Variants in FGFR2 observed in about 807,000 individuals in gnomAD.
The protein encoded by FGFR2 is fibroblast growth factor receptor 2.
In FGFR2, 19 loss-of-function variants were observed where a neutral mutation model predicts 95.9. That is an observed-to-expected ratio of 0.20 (90% confidence interval 0.14 to 0.29). FGFR2 has a LOEUF of 0.29. Among genes scored for constraint, FGFR2 ranks in the 10% least tolerant of loss-of-function variants. FGFR2 has a pLI of 1.00. For missense variants in FGFR2, 707 were observed against 1,056.9 expected (o/e 0.67, Z 4.59); for synonymous variants, 392 against 393.3 (o/e 1.00, Z 0.04).
At chr10:121,564,792 C>CCA (rs1857438632) in intron 3 of FGFR2, among the ~76,000 whole-genome samples, 1 of 152,140 alleles carries the variant, frequency 6.6e-6, no homozygotes, top group African/African-American at 2.4e-5. Context: ...ATGTTTTCTG[C>CCA]TTTCACGCTA....
At chr10:121,514,775 G>C (rs1427245304) in intron 9 of FGFR2, among the ~76,000 whole-genome samples, 2 of 152,192 alleles carry the variant, frequency 1.3e-5, no homozygotes, top group African/African-American at 4.8e-5. Context: ...CACAGGACAC[G>C]AATGTGGCTA....
chr10:121,501,365 A>C (rs889487551), intron 10 of FGFR2, among the ~76,000 whole-genome samples: 1 of 152,210 alleles, frequency 6.6e-6, no homozygotes, highest in Non-Finnish European at 1.5e-5. Context: ...TTATTCAAAT[A>C]CCAATGGATT....
intron 16 of FGFR2, among the ~76,000 whole-genome samples, chr10:121,484,479 G>A (rs1273419188): frequency 1.3e-5 from 2 of 152,126 alleles, no homozygotes; most frequent in South Asian, 2.1e-4. Context: ...TATATAATAT[G>A]CTATAAAATG....
At position 121,563,374 on chromosome 10, in the gene FGFR2, G is replaced by A. The variant is rs367835414; in HGVS notation, c.454+1128C>T. 5.9e-5 allele frequency among the ~76,000 whole-genome samples: 9 copies of A among 152,010 alleles called. No individual in the cohort carries two copies. The East Asian group carries it at 7.7e-4, about 13-fold the overall frequency. ...GGGTGACAGAACAAGACTGCATCTCGGGAAAAAATATATATATATACATAA... is the reference window on the plus strand; with the variant it reads ...GGGTGACAGAACAAGACTGCATCTCAGGAAAAAATATATATATATACATAA... On this transcript the variant is annotated intron_variant, in intron 4 of 17. Transcript: ENST00000358487.
At chr10:121,484,438 T>C (rs988290147) in intron 16 of FGFR2, among the ~76,000 whole-genome samples, 15 of 151,918 alleles carry the variant, frequency 9.9e-5, no homozygotes, top group African/African-American at 3.1e-4. Flanking sequence ...AAAAAAACAA[T>C]AGGAATGACA....
chr10:121,575,271 G>A lies in FGFR2; in HGVS notation c.110-9567C>T, dbSNP rs1477074976. On this transcript the variant is annotated intron_variant, in intron 2 of 17. Transcript: ENST00000358487. The stretch of plus-strand genomic sequence containing the variant: ...TAAAGAGCCTAAGAATGCACTTACT[G>A]AGGAGTGAGTCACCGTGTCTCCCAA... 2.0e-5 allele frequency among the ~76,000 whole-genome samples: 3 copies of A among 152,174 alleles called. No homozygotes were observed. In the East Asian group the frequency reaches 5.8e-4, roughly 29 times the overall value.
chr10:121,517,563 G>GTGCTGGCCACTGGGAGATTCCGAC lies in FGFR2; in HGVS notation c.940-124_940-101dup. 1 of 1,423,802 alleles carries GTGCTGGCCACTGGGAGATTCCGAC rather than the reference G, an allele frequency of 7.0e-7. No individual in the cohort carries two copies. Among genetic ancestry groups the GTGCTGGCCACTGGGAGATTCCGAC allele is most frequent in the Non-Finnish European group, 9.8e-7 (1 of 1,021,032 alleles). 88.2% of individuals were successfully genotyped at this position (1,423,802 alleles called of 1,614,324 possible). A position where few individuals can be genotyped will look rare whatever the true frequency, so the allele number is the denominator to read the frequency against. ...GGCGTCGCACCGGGGGCTTCAGGGG[G>GTGCTGGCCACTGGGAGATTCCGAC]TGCTGGCCACTGGGAGATTCCGACT... On this transcript the variant is annotated intron_variant, in intron 7 of 17. Coordinates refer to ENST00000358487, the MANE Select transcript of FGFR2 (RefSeq NM_000141.5). The surrounding 1 kb of genome is among the most constrained non-coding windows in gnomAD (Gnocchi z 4.7).
intron 2 of FGFR2, among the ~76,000 whole-genome samples, chr10:121,588,984 G>A (rs999724353): frequency 6.6e-6 from 1 of 152,056 alleles, no homozygotes; most frequent in African/African-American, 2.4e-5. Context: ...GAGACCATAA[G>A]CATTTTGCAC....
chr10:121,534,891 A>G (rs1852616588), intron 6 of FGFR2, among the ~76,000 whole-genome samples: 1 of 152,222 alleles, frequency 6.6e-6, no homozygotes, highest in East Asian at 1.9e-4. Flanking sequence ...AGTGAGCTGA[A>G]GGGTGACCTT....
At chr10:121,571,507 A>G (rs1397392099) in intron 2 of FGFR2, among the ~76,000 whole-genome samples, 7 of 149,540 alleles carry the variant, frequency 4.7e-5, no homozygotes, top group Admixed American at 1.3e-4. Flanking sequence ...GGGTTTTACC[A>G]CGTTGCCCAG....
intron 2 of FGFR2, among the ~76,000 whole-genome samples, chr10:121,590,032 AG>A (rs1426829406): frequency 6.6e-6 from 1 of 152,220 alleles, no homozygotes; most frequent in Non-Finnish European, 1.5e-5. Context: ...AATCTGACTT[AG>A]GGAGGTCTCT....
intron 5 of FGFR2, among the ~76,000 whole-genome samples, chr10:121,546,185 T>TAAAAAA (rs35408469): frequency 2.0e-4 from 27 of 135,348 alleles, no homozygotes; most frequent in East Asian, 1.7e-3. Context: ...ACCTCTTTAT[T>TAAAAAA]AAAAAAAAAA....
At position 121,479,720 on chromosome 10, in the gene FGFR2, G is replaced by C. The variant is rs777204983; in HGVS notation, c.*137C>G. ...CTGTATAAATCTTTACACATATGCT[G>C]ATTACTTTTCCAATTATTTACTCCT... On this transcript the variant is annotated 3_prime_UTR_variant, in exon 18 of 18. Transcript: ENST00000358487. 9 of 1,605,744 alleles carry C rather than the reference G, an allele frequency of 5.6e-6. No individual in the cohort carries two copies. In the Admixed American group the frequency reaches 1.4e-4, roughly 24 times the overall value.
At chr10:121,577,739 C>A (rs1327847003) in intron 2 of FGFR2, among the ~76,000 whole-genome samples, 1 of 152,090 alleles carries the variant, frequency 6.6e-6, no homozygotes, top group Non-Finnish European at 1.5e-5. Context: ...CCACCTCCTC[C>A]CCGCAGATGC....
Position 121,479,572 on chromosome 10 carries a change from C to T in FGFR2, c.*285G>A. ...ACAAGGAAGGCAGAACGCACGTCCACCTTGAGTCCTACTGGTCCACAGCCA... is the reference window on the plus strand; with the variant it reads ...ACAAGGAAGGCAGAACGCACGTCCATCTTGAGTCCTACTGGTCCACAGCCA... On this transcript the variant is annotated 3_prime_UTR_variant, in exon 18 of 18. Coordinates refer to ENST00000358487, the MANE Select transcript of FGFR2 (RefSeq NM_000141.5). 1 of 1,544,984 alleles carries T rather than the reference C, an allele frequency of 6.5e-7. No individual in the cohort carries two copies. Among genetic ancestry groups the T allele is most frequent in the Non-Finnish European group, 8.7e-7 (1 of 1,143,406 alleles).
intron 6 of FGFR2, among the ~76,000 whole-genome samples, chr10:121,534,251 A>C (rs1852499921): frequency 6.6e-6 from 1 of 151,648 alleles, no homozygotes; most frequent in Non-Finnish European, 1.5e-5. Context: ...GGTACCTGCC[A>C]CCACCCCTGG....
chr10:121,596,590 A>T (rs544293472), intron 1 of FGFR2: 261 of 203,136 alleles, frequency 1.3e-3, no homozygotes, highest in Admixed American at 1.9e-3. Flanking sequence ...CCCAGCACTG[A>T]GTAGGAGCGG....
At position 121,565,625 on chromosome 10, in the gene FGFR2, C is replaced by T. The variant is rs2135120705; in HGVS notation, c.189G>A (p.Leu63=). The change falls in exon 3 of 18, where the codon CTG becomes CTA. Residue 63 remains leucine, a synonymous_variant. Transcript: ENST00000358487. ...APGESLEVRC[L]LKDAAVISWT... is the part of the protein sequence containing the mutation. ...AACTGATCACGGCGGCATCTTTCAA[C>T]AGGCAGCGCACCTCTAGCGACTCCC... 6.2e-7 allele frequency: 1 copy of T among 1,614,230 alleles called. No homozygotes were observed. The highest frequency in any genetic ancestry group is 1.3e-5 in the African/African-American group (1 of 75,068).
At chr10:121,558,979 G>T (rs1856567058) in intron 4 of FGFR2, among the ~76,000 whole-genome samples, 1 of 152,036 alleles carries the variant, frequency 6.6e-6, no homozygotes. Context: ...GCAGGCAGCT[G>T]AGCTTGCCTT....
Sources: gnomAD v4.1 joint callset for allele counts (sites outside exome capture counted in the v4.1 genomes callset) on GRCh38, gnomAD v4.1.1 for gene constraint, Gnocchi (gnomAD v3.1) non-coding constraint, MANE v1.5 for transcripts, NCBI Gene and HGNC (gene_info 2026-07-23, HGNC 2026-07-21) for gene names.